PDE4D: variants seen among roughly 807,000 people sequenced by gnomAD.
The protein encoded by PDE4D is phosphodiesterase 4D, also known as 3',5'-cyclic-AMP phosphodiesterase 4D.
PDE4D carries 24 observed loss-of-function variants against 87.4 expected under a neutral mutation model. The ratio of observed to expected loss-of-function variants is 0.27; its 90% CI spans 0.20 to 0.39. The LOEUF (loss-of-function observed/expected upper bound fraction) is 0.39, where lower values mean the gene tolerates loss of function less well. Among genes scored for constraint, PDE4D ranks in the 10% least tolerant of loss-of-function variants. The probability of loss-of-function intolerance (pLI) is 1.00; values close to 1 mark genes in which losing one functional copy is unlikely to be tolerated. For synonymous variants in PDE4D, 384 were observed against 383.2 expected (o/e 1.00, Z -0.02); for missense variants, 714 against 1,041.0 (o/e 0.69, Z 4.32).
intron 1 of PDE4D, among the ~76,000 whole-genome samples, chr5:59,389,993 C>A (rs937596098): frequency 1.3e-5 from 2 of 152,072 alleles, no homozygotes; most frequent in Admixed American, 1.3e-4. Flanking sequence ...TCTGGAAGAG[C>A]TGAAGTGTTC....
At chr5:60,162,863 C>T (rs530548935) in intron 2 of PDE4D, among the ~76,000 whole-genome samples, 17 of 152,208 alleles carry the variant, frequency 1.1e-4, no homozygotes, top group African/African-American at 4.1e-4. Flanking sequence ...CCTGGTACCA[C>T]AGACTTAGTT....
chr5:60,101,214 G>A (rs1441959997), intron 2 of PDE4D, among the ~76,000 whole-genome samples: 1 of 152,014 alleles, frequency 6.6e-6, no homozygotes, highest in East Asian at 1.9e-4. Context: ...CAAATAAAGA[G>A]GGGGGCAACC....
chr5:59,140,079 TAAG>T (rs1322337332), intron 5 of PDE4D, among the ~76,000 whole-genome samples: 6 of 152,184 alleles, frequency 3.9e-5, no homozygotes, highest in Non-Finnish European at 8.8e-5. Context: ...GGAAGGCACA[TAAG>T]GGTAAAATAG....
chr5:60,157,144 T>C (rs1183070052), intron 2 of PDE4D, among the ~76,000 whole-genome samples: 1 of 152,188 alleles, frequency 6.6e-6, no homozygotes, highest in African/African-American at 2.4e-5. Context: ...TTCATGAGCA[T>C]TGGGTATATA....
chr5:59,285,147 G>A (rs1421105755), intron 1 of PDE4D, among the ~76,000 whole-genome samples: 2 of 140,652 alleles, frequency 1.4e-5, no homozygotes, highest in African/African-American at 2.7e-5. Context: ...CACCAGCATG[G>A]CACATGTATA....
chr5:60,420,239 G>A (rs1742971688), intron 1 of PDE4D, among the ~76,000 whole-genome samples: 1 of 152,098 alleles, frequency 6.6e-6, no homozygotes, highest in Admixed American at 6.5e-5. Context: ...ACAGAAAGTT[G>A]GTACCTCTCT....
chr5:59,255,241 T>A (rs1433606820), intron 1 of PDE4D, among the ~76,000 whole-genome samples: 1 of 152,086 alleles, frequency 6.6e-6, no homozygotes, highest in Non-Finnish European at 1.5e-5. Context: ...AAAAATGAAA[T>A]CTGATATATG....
chr5:60,026,768 T>A (rs945261173), intron 2 of PDE4D, among the ~76,000 whole-genome samples: 2 of 152,212 alleles, frequency 1.3e-5, no homozygotes, highest in African/African-American at 4.8e-5. Flanking sequence ...ATCTTCTTGC[T>A]GAAAACCCTC....
intron 1 of PDE4D, among the ~76,000 whole-genome samples, chr5:59,360,136 G>A (rs1781981123): frequency 6.6e-6 from 1 of 152,124 alleles, no homozygotes; most frequent in South Asian, 2.1e-4. Flanking sequence ...CTTTATAGGA[G>A]ATAGCTACTA....
intron 2 of PDE4D, among the ~76,000 whole-genome samples, chr5:60,009,160 T>C (rs893135993): frequency 6.6e-6 from 1 of 152,006 alleles, no homozygotes; most frequent in Non-Finnish European, 1.5e-5. Flanking sequence ...AAGCATAAGT[T>C]CATCATGGAA....
At chr5:59,503,952 G>A (rs758389061) in intron 1 of PDE4D, among the ~76,000 whole-genome samples, 11 of 152,114 alleles carry the variant, frequency 7.2e-5, no homozygotes, top group Non-Finnish European at 1.2e-4. Context: ...CTGAAATACT[G>A]TGAACTTATT....
chr5:59,574,028 AAAAATATATATTTATATATATT>A (rs1561239407), intron 1 of PDE4D, among the ~76,000 whole-genome samples: 7 of 119,114 alleles, frequency 5.9e-5, no homozygotes, highest in Admixed American at 1.8e-4. Flanking sequence ...ATATATATAT[AAAAATATATATTTATATATATT>A]TATATATAAA....
intron 1 of PDE4D, among the ~76,000 whole-genome samples, chr5:59,435,156 A>C: frequency 6.6e-6 from 1 of 152,036 alleles, no homozygotes; most frequent in East Asian, 1.9e-4. Flanking sequence ...TAGAGTTAAT[A>C]TTTCCATTTT....
At chr5:59,594,481 T>C (rs1414457382) in intron 1 of PDE4D, among the ~76,000 whole-genome samples, 3 of 151,886 alleles carry the variant, frequency 2.0e-5, no homozygotes, top group East Asian at 1.9e-4. Context: ...TCACCATGAC[T>C]GGCTAATTTT....
At chr5:59,428,046 G>A (rs960664976) in intron 1 of PDE4D, among the ~76,000 whole-genome samples, 1 of 152,136 alleles carries the variant, frequency 6.6e-6, no homozygotes, top group Non-Finnish European at 1.5e-5. Context: ...TTAAGATTTA[G>A]TATGTTAACT....
chr5:60,480,914 T>C (rs1748682353), intron 1 of PDE4D, among the ~76,000 whole-genome samples: 1 of 152,178 alleles, frequency 6.6e-6, no homozygotes, highest in African/African-American at 2.4e-5. Flanking sequence ...TTTACTCTTT[T>C]GGTGTTGTAT....
At chr5:60,346,610 A>ATT (rs1758765430) in intron 1 of PDE4D, among the ~76,000 whole-genome samples, 1 of 152,106 alleles carries the variant, frequency 6.6e-6, no homozygotes, top group South Asian at 2.1e-4. Flanking sequence ...ATATTAAGCA[A>ATT]CAGCCATGAT....
chr5:60,266,132 C>G (rs139612108), intron 1 of PDE4D, among the ~76,000 whole-genome samples: 5 of 152,170 alleles, frequency 3.3e-5, no homozygotes, highest in African/African-American at 9.6e-5. Flanking sequence ...GCTGGGTCCG[C>G]TGTTGTCACT....
At chr5:59,643,967 A>G (rs1742028574) in intron 1 of PDE4D, among the ~76,000 whole-genome samples, 1 of 152,202 alleles carries the variant, frequency 6.6e-6, no homozygotes, top group Non-Finnish European at 1.5e-5. Context: ...AATGTTATGC[A>G]CTTCAAGAAG....
Sources: gnomAD v4.1 joint callset for allele counts (sites outside exome capture counted in the v4.1 genomes callset) on GRCh38, gnomAD v4.1.1 for gene constraint, MANE v1.5 for transcripts, NCBI Gene and HGNC (gene_info 2026-07-23, HGNC 2026-07-21) for gene names.